IL20RA: variants seen among roughly 807,000 people sequenced by gnomAD.
IL20RA encodes the protein interleukin 20 receptor subunit alpha, also known as interleukin-20 receptor subunit alpha.
IL20RA carries 29 observed loss-of-function variants against 36.5 expected under a neutral mutation model. The ratio of observed to expected loss-of-function variants is 0.79; its 90% CI spans 0.59 to 1.08. The LOEUF is 1.08. Ranked by LOEUF, IL20RA falls within the 50% of genes least tolerant of loss-of-function variation. The probability of loss-of-function intolerance (pLI) is 0.00; values close to 1 mark genes in which losing one functional copy is unlikely to be tolerated. For missense variants in IL20RA, 652 were observed against 668.4 expected (o/e 0.98, Z 0.27); for synonymous variants, 279 against 267.1 (o/e 1.04, Z -0.43).
At chr6:137,003,772 T>C (rs925379897) in intron 6 of IL20RA, among the ~76,000 whole-genome samples, 1 of 152,122 alleles carries the variant, frequency 6.6e-6, no homozygotes, top group Admixed American at 6.5e-5. Flanking sequence ...CTCTCCAGTC[T>C]CATCTTCTTC....
rs1774976084 is a variant in IL20RA, at chr6:137,000,160, A to G, written c.*1398T>C. The G allele has an allele frequency of 6.6e-6, 1 of 152,180 alleles. No individual in the cohort carries two copies. Among genetic ancestry groups the G allele is most frequent in the Non-Finnish European group, 1.5e-5 (1 of 68,028 alleles). 9.4% of individuals were successfully genotyped at this position (152,180 alleles called of 1,614,324 possible). A position where few individuals can be genotyped will look rare whatever the true frequency, so the allele number is the denominator to read the frequency against. On this transcript the variant is annotated 3_prime_UTR_variant, in exon 7 of 7. Coordinates refer to ENST00000316649, the MANE Select transcript of IL20RA (RefSeq NM_014432.4). ...CCTAAATTAAACCATTAGATCTGAAACTGTTTGCATTTGCGGATAATCACG... is the reference window on the plus strand; with the variant it reads ...CCTAAATTAAACCATTAGATCTGAAGCTGTTTGCATTTGCGGATAATCACG...
Position 137,009,297 on chromosome 6 carries a change from C to T in IL20RA, c.579+20G>A, listed in dbSNP as rs1462406076. The T allele has an allele frequency of 1.3e-6, 2 of 1,590,490 alleles. No individual in the cohort carries two copies. The highest frequency in any genetic ancestry group is 3.3e-5 in the Admixed American group (2 of 59,950). On this transcript the variant is annotated intron_variant, in intron 4 of 6. Coordinates refer to ENST00000316649, the MANE Select transcript of IL20RA (RefSeq NM_014432.4). Reference sequence around the variant, plus strand: ...ACAGAGTGGTACATGAATGTATGCCCCATTCCATTTCAGGCTTACCGTTCT... The same window carrying T: ...ACAGAGTGGTACATGAATGTATGCCTCATTCCATTTCAGGCTTACCGTTCT...
intron 1 of IL20RA, among the ~76,000 whole-genome samples, chr6:137,028,965 A>G (rs1314198858): frequency 2.6e-5 from 4 of 152,208 alleles, no homozygotes; most frequent in Non-Finnish European, 5.9e-5. Flanking sequence ...AATGCTTTCA[A>G]CAATAAAATT....
At chr6:137,021,068 A>G (rs1213780507) in intron 1 of IL20RA, among the ~76,000 whole-genome samples, 1 of 151,730 alleles carries the variant, frequency 6.6e-6, no homozygotes, top group African/African-American at 2.4e-5. Flanking sequence ...TTAAATCAGA[A>G]CAAATTAAGC....
At chr6:137,003,258 T>G (rs1775145704) in intron 6 of IL20RA, among the ~76,000 whole-genome samples, 1 of 152,304 alleles carries the variant, frequency 6.6e-6, no homozygotes, top group African/African-American at 2.4e-5. Context: ...ATAGAAAAAC[T>G]TATAAACTGA....
intron 1 of IL20RA, among the ~76,000 whole-genome samples, chr6:137,022,389 C>T (rs949860724): frequency 2.0e-5 from 3 of 152,040 alleles, no homozygotes; most frequent in South Asian, 2.1e-4. Context: ...GTTTAGTTGC[C>T]GAGAACAGGA....
intron 6 of IL20RA, among the ~76,000 whole-genome samples, chr6:137,004,174 T>TGTTTTTTTTTTTGTTTTTTG (rs548602821): frequency 8.0e-6 from 1 of 124,450 alleles, no homozygotes; most frequent in African/African-American, 3.1e-5. Flanking sequence ...TTTTTTTTTT[T>TGTTTTTTTTTTTGTTTTTTG]TTTTTTTTTT....
intron 1 of IL20RA, among the ~76,000 whole-genome samples, chr6:137,043,426 A>G (rs765153308): frequency 1.3e-5 from 2 of 152,224 alleles, no homozygotes; most frequent in East Asian, 3.8e-4. Context: ...GATTAAAAAT[A>G]AAAACAAATT....
At chr6:137,015,858 T>C (rs1582825199) in intron 2 of IL20RA, among the ~76,000 whole-genome samples, 1 of 152,196 alleles carries the variant, frequency 6.6e-6, no homozygotes, top group East Asian at 1.9e-4. Flanking sequence ...GGTTTTGTCA[T>C]GTTGCACAGG....
chr6:137,025,564 A>C (rs1320038503), intron 1 of IL20RA, among the ~76,000 whole-genome samples: 1 of 152,230 alleles, frequency 6.6e-6, no homozygotes, highest in Admixed American at 6.5e-5. Context: ...CTAGCACCAA[A>C]GGAAAAAGTT....
intron 1 of IL20RA, among the ~76,000 whole-genome samples, chr6:137,034,512 C>A (rs1354938836): frequency 6.6e-6 from 1 of 152,134 alleles, no homozygotes; most frequent in Non-Finnish European, 1.5e-5. Context: ...AACCCATCAC[C>A]TAGGTGATAA....
intron 1 of IL20RA, among the ~76,000 whole-genome samples, chr6:137,019,998 T>C (rs1684394575): frequency 1.3e-5 from 2 of 152,340 alleles, no homozygotes; most frequent in Admixed American, 1.3e-4. Context: ...GGTTGGTCTG[T>C]GTGTCCAATA....
At position 137,044,667 on chromosome 6, in the gene IL20RA, A is replaced by G; in HGVS notation, c.62T>C (p.Leu21Pro). The change falls in exon 1 of 7, where the codon CTC (leucine) becomes CCC (proline). Residue 21 changes from leucine (L) to proline (P), a missense_variant. Physicochemically the swap from Leu to Pro is moderately conservative, Grantham distance 98. Coordinates refer to ENST00000316649, the MANE Select transcript of IL20RA (RefSeq NM_014432.4). ...TGCCCGTCCCCAAGGCGCCGCCAGG[A>G]GCAACAGCAGCAGCGGCGGCAGCGG... Reference protein sequence around the residue: ...PLPLPPLLLLLLAAPWGRAVP... With the variant: ...PLPLPPLLLLPLAAPWGRAVP... The G allele has an allele frequency of 1.6e-6, 2 of 1,224,582 alleles. No homozygotes were observed. The highest frequency in any genetic ancestry group is 4.1e-5 in the South Asian group (1 of 24,484). 75.9% of individuals were successfully genotyped at this position (1,224,582 alleles called of 1,614,324 possible).
intron 1 of IL20RA, among the ~76,000 whole-genome samples, chr6:137,032,581 G>A (rs556612163): frequency 1.3e-5 from 2 of 152,246 alleles, no homozygotes; most frequent in South Asian, 4.2e-4. Flanking sequence ...AAGCATTTGT[G>A]TACAGTAATT....
At chr6:137,040,283 T>C (rs566760819) in intron 1 of IL20RA, among the ~76,000 whole-genome samples, 7 of 149,118 alleles carry the variant, frequency 4.7e-5, no homozygotes, top group African/African-American at 1.7e-4. Context: ...CACCCACAGA[T>C]ACATACAGAA....
At chr6:137,037,078 G>A (rs1388749596) in intron 1 of IL20RA, among the ~76,000 whole-genome samples, 1 of 151,900 alleles carries the variant, frequency 6.6e-6, no homozygotes, top group African/African-American at 2.4e-5. Context: ...GTATGGAATG[G>A]AACTTTGGAC....
chr6:137,002,483 A>T (rs979819262), intron 6 of IL20RA, 128 bp from the exon 7 acceptor site: 14 of 648,796 alleles, frequency 2.2e-5, no homozygotes, highest in Non-Finnish European at 1.0e-5. Context: ...TGTAAATGAA[A>T]GTTATGCTTG....
intron 6 of IL20RA, 37 bp from the exon 7 acceptor site, chr6:137,002,392 C>A: frequency 1.4e-6 from 2 of 1,398,294 alleles, no homozygotes; most frequent in Non-Finnish European, 2.0e-6. Flanking sequence ...CACCTTTTCA[C>A]TTTAGAGAGA....
chr6:137,018,546 GTGTTA>G (rs1475239359), intron 1 of IL20RA, among the ~76,000 whole-genome samples: 2 of 151,734 alleles, frequency 1.3e-5, no homozygotes, highest in African/African-American at 2.4e-5. Flanking sequence ...GTGTGTGTGT[GTGTTA>G]GGGGTAGGGG....
Sources: allele counts gnomAD v4.1 joint callset (sites outside exome capture counted in the v4.1 genomes callset), GRCh38; gene constraint gnomAD v4.1.1; transcripts MANE v1.5; gene names NCBI Gene and HGNC (gene_info 2026-07-23, HGNC 2026-07-21).